The following RUNX1 variants were observed in gnomAD, a reference collection of about 807,000 sequenced individuals.
RUNX1 encodes RUNX family transcription factor 1, also known as runt-related transcription factor 1.
RUNX1 carries 19 observed loss-of-function variants against 42.8 expected under a neutral mutation model. The ratio of observed to expected loss-of-function variants is 0.44; its 90% confidence interval spans 0.31 to 0.65. RUNX1 has a LOEUF of 0.65. RUNX1 is among the 30% of genes least tolerant of loss of function. RUNX1 has a pLI of 0.07. For missense variants in RUNX1, 528 were observed against 672.0 expected (o/e 0.79, Z 2.37); for synonymous variants, 271 against 289.4 (o/e 0.94, Z 0.64).
rs140759510 is a variant in RUNX1, at chr21:34,898,259, A to G, written c.59-5296T>C. Among the ~76,000 whole-genome samples the G allele has an allele frequency of 7.2e-5, 11 of 152,326 alleles. No homozygotes were observed. In the East Asian group the frequency reaches 2.1e-3, roughly 29 times the overall value. On this transcript the variant is annotated intron_variant, in intron 2 of 8. Coordinates refer to ENST00000675419, the MANE Select transcript of RUNX1 (RefSeq NM_001754.5). ...TTTGGCCTTATGAAGCTGTGAGCAGAGAATCTAGTACAGCACCACCAGATT... is the reference window on the plus strand; with the variant it reads ...TTTGGCCTTATGAAGCTGTGAGCAGGGAATCTAGTACAGCACCACCAGATT...
chr21:34,940,181 T>A (rs1184284262), intron 2 of RUNX1, among the ~76,000 whole-genome samples: 2 of 152,184 alleles, frequency 1.3e-5, no homozygotes, highest in African/African-American at 4.8e-5. Context: ...AAGTGGCTAC[T>A]GAGAATCTTG....
At chr21:34,938,634 G>T (rs2058504256) in intron 2 of RUNX1, among the ~76,000 whole-genome samples, 1 of 151,686 alleles carries the variant, frequency 6.6e-6, no homozygotes, top group Non-Finnish European at 1.5e-5. Context: ...TTCCTGACCT[G>T]CCAAATGACA....
chr21:34,851,590 T>A (rs1365422761), intron 6 of RUNX1, among the ~76,000 whole-genome samples: 1 of 149,516 alleles, frequency 6.7e-6, no homozygotes, highest in Non-Finnish European at 1.5e-5. Context: ...GCAGACAGGG[T>A]TTTTTTTTTC....
chr21:34,841,527 C>A (rs2057235071), intron 6 of RUNX1, among the ~76,000 whole-genome samples: 1 of 152,124 alleles, frequency 6.6e-6, no homozygotes, highest in African/African-American at 2.4e-5. Context: ...GTCATGTCAC[C>A]TGAGGTCAGG....
intron 2 of RUNX1, among the ~76,000 whole-genome samples, chr21:35,002,752 C>T (rs1418279235): frequency 1.3e-5 from 2 of 151,998 alleles, no homozygotes; most frequent in African/African-American, 4.8e-5. Context: ...TATAATTTCC[C>T]CTTTAAATAC....
At chr21:35,046,878 C>T (rs558100668) in intron 2 of RUNX1, among the ~76,000 whole-genome samples, 61 of 152,032 alleles carry the variant, frequency 4.0e-4, no homozygotes, top group East Asian at 1.9e-4. Context: ...AGTCTTGGTG[C>T]GAGCTCAGGC....
chr21:34,868,674 G>A (rs1211463172), intron 5 of RUNX1, among the ~76,000 whole-genome samples: 1 of 152,208 alleles, frequency 6.6e-6, no homozygotes, highest in Non-Finnish European at 1.5e-5. Flanking sequence ...CTGTACCTCT[G>A]AGCCTTGGCT....
chr21:35,012,734 A>G (rs139208120), intron 2 of RUNX1, among the ~76,000 whole-genome samples: 253 of 152,224 alleles, frequency 1.7e-3, no homozygotes, highest in African/African-American at 5.7e-3. Context: ...ACATCTATAC[A>G]TTGAGATGAA....
At chr21:34,962,138 C>T (rs1179572564) in intron 2 of RUNX1, among the ~76,000 whole-genome samples, 1 of 152,226 alleles carries the variant, frequency 6.6e-6, no homozygotes, top group East Asian at 1.9e-4. Context: ...AGTGATCCTC[C>T]TGCCTTGGCC....
Position 34,969,259 on chromosome 21 carries a change from C to T in RUNX1, c.59-76296G>A, listed in dbSNP as rs565299833. On this transcript the variant is annotated intron_variant, in intron 2 of 8. Coordinates refer to ENST00000675419, the MANE Select transcript of RUNX1 (RefSeq NM_001754.5). Reference sequence around the variant, plus strand: ...TGAAGATGGTTACCCAGTGTGGTTGCTAATGGAGCAAAAATGCGCATAGAG... The same window carrying T: ...TGAAGATGGTTACCCAGTGTGGTTGTTAATGGAGCAAAAATGCGCATAGAG... 8.5e-5 allele frequency among the ~76,000 whole-genome samples: 13 copies of T among 152,174 alleles called. No individual in the cohort carries two copies. In the South Asian group the frequency reaches 2.7e-3, roughly 32 times the overall value.
chr21:34,912,669 T>C (rs1484057438), intron 2 of RUNX1, among the ~76,000 whole-genome samples: 1 of 152,222 alleles, frequency 6.6e-6, no homozygotes, highest in Non-Finnish European at 1.5e-5. Context: ...ACTGTTCCCA[T>C]TGCCTTCCTA....
intron 7 of RUNX1, among the ~76,000 whole-genome samples, chr21:34,818,726 G>A (rs1036527158): frequency 2.6e-4 from 39 of 152,210 alleles, no homozygotes; most frequent in African/African-American, 8.4e-4. Flanking sequence ...TGGACCAGCC[G>A]ACCGGCAGCT....
chr21:34,884,842 G>A (rs1321968063), intron 4 of RUNX1, among the ~76,000 whole-genome samples: 1 of 152,160 alleles, frequency 6.6e-6, no homozygotes, highest in East Asian at 1.9e-4. Flanking sequence ...CTTTTTTCAA[G>A]AGCTCTGTAT....
chr21:34,920,203 G>A (rs2834675), intron 2 of RUNX1, among the ~76,000 whole-genome samples: 8,729 of 152,198 alleles, frequency 0.057, 358 homozygotes, highest in Admixed American at 0.093. Flanking sequence ...ATTTTAGCAC[G>A]TAGGCACACT....
intron 2 of RUNX1, among the ~76,000 whole-genome samples, chr21:34,959,654 T>C (rs2058669449): frequency 6.6e-6 from 1 of 152,188 alleles, no homozygotes; most frequent in Admixed American, 6.5e-5. Flanking sequence ...TGGAAGCATC[T>C]CATCCGGGTT....
chr21:35,035,696 G>A (rs529585643), intron 2 of RUNX1, among the ~76,000 whole-genome samples: 6 of 152,242 alleles, frequency 3.9e-5, no homozygotes, highest in African/African-American at 1.4e-4. Flanking sequence ...AATTGTTCAC[G>A]ACAACAGTGC....
intron 5 of RUNX1, among the ~76,000 whole-genome samples, chr21:34,861,937 A>G (rs1377874635): frequency 1.3e-5 from 2 of 151,742 alleles, no homozygotes; most frequent in Non-Finnish European, 2.9e-5. Flanking sequence ...GAAGGTGGGG[A>G]CCCTTTTCTA....
intron 2 of RUNX1, among the ~76,000 whole-genome samples, chr21:34,964,097 C>T (rs140670045): frequency 1.2e-4 from 19 of 152,244 alleles, no homozygotes; most frequent in African/African-American, 4.3e-4. Context: ...TTGGGGGATA[C>T]GTGCTGACCA....
intron 5 of RUNX1, among the ~76,000 whole-genome samples, chr21:34,868,853 AAATG>A (rs1232375256): frequency 6.6e-6 from 1 of 152,232 alleles, no homozygotes; most frequent in Non-Finnish European, 1.5e-5. Flanking sequence ...TATATCTGAT[AAATG>A]AATGAATGAA....
Sources: allele counts gnomAD v4.1 joint callset (sites outside exome capture counted in the v4.1 genomes callset), GRCh38; gene constraint gnomAD v4.1.1; transcripts MANE v1.5; gene names NCBI Gene and HGNC (gene_info 2026-07-23, HGNC 2026-07-21).